The following GRIN2A variants were observed in gnomAD, a reference collection of about 807,000 sequenced individuals.
GRIN2A encodes the protein glutamate receptor ionotropic, NMDA 2A.
Under a neutral mutation model 113.4 loss-of-function variants are expected in GRIN2A, and 22 were observed. The observed-to-expected ratio is 0.19, with a 90% confidence interval of 0.14 to 0.28. The LOEUF is 0.28. GRIN2A is among the 10% of genes least tolerant of loss of function. The pLI is 1.00. For missense variants in GRIN2A, 1,502 were observed against 1,887.0 expected, an observed-to-expected ratio of 0.80 and a Z score of 3.78; for synonymous variants, 827 against 738.4, an observed-to-expected ratio of 1.12 and a Z score of -1.94.
At chr16:10,010,687 T>A (rs2046488835) in intron 2 of GRIN2A, among the ~76,000 whole-genome samples, 1 of 152,176 alleles carries the variant, frequency 6.6e-6, no homozygotes, top group South Asian at 2.1e-4. Flanking sequence ...TGACTAGGAC[T>A]CAGCTCAGAG....
intron 2 of GRIN2A, among the ~76,000 whole-genome samples, chr16:10,008,358 A>G (rs2141860457): frequency 6.6e-6 from 1 of 152,370 alleles, no homozygotes; most frequent in South Asian, 2.1e-4. Context: ...AGATTAGCAT[A>G]CAAAGAATGG....
intron 2 of GRIN2A, among the ~76,000 whole-genome samples, chr16:10,138,742 G>T (rs2049257309): frequency 6.6e-6 from 1 of 152,112 alleles, no homozygotes; most frequent in Non-Finnish European, 1.5e-5. Context: ...TTACTGTGAG[G>T]ATTAAATGAG....
intron 11 of GRIN2A, among the ~76,000 whole-genome samples, chr16:9,774,499 A>G (rs777892616): frequency 3.9e-5 from 6 of 152,172 alleles, no homozygotes; most frequent in Non-Finnish European, 5.9e-5. Context: ...ACTTTAATCT[A>G]TCCAACTACT....
chr16:10,180,996 C>T lies in GRIN2A; in HGVS notation c.-18-567G>A, dbSNP rs1030388039. On this transcript the variant is annotated intron_variant, in intron 1 of 12. Transcript: ENST00000330684. The surrounding 1 kb of genome is among the most constrained non-coding windows in gnomAD (Gnocchi z 7.0). ...CCGCCCCCTACGAGCCCGTCGTGTG[C>T]ACCACACACTTTGCTCTACGCCCAG... Among the ~76,000 whole-genome samples the T allele has an allele frequency of 2.6e-5, 4 of 152,172 alleles. No individual in the cohort carries two copies. Among genetic ancestry groups the T allele is most frequent in the Admixed American group, 2.6e-4 (4 of 15,288 alleles).
intron 2 of GRIN2A, among the ~76,000 whole-genome samples, chr16:10,048,967 TG>T (rs2047308090): frequency 6.6e-6 from 1 of 152,212 alleles, no homozygotes; most frequent in African/African-American, 2.4e-5. Flanking sequence ...CCCCAGCCCC[TG>T]CCCATTCATG....
At chr16:10,095,544 C>T (rs1280266990) in intron 2 of GRIN2A, among the ~76,000 whole-genome samples, 2 of 152,112 alleles carry the variant, frequency 1.3e-5, no homozygotes, top group African/African-American at 4.8e-5. Flanking sequence ...TCAATGGATG[C>T]TAAAGCTGGT....
At chr16:9,786,299 C>T (rs1902225515) in intron 11 of GRIN2A, among the ~76,000 whole-genome samples, 1 of 152,180 alleles carries the variant, frequency 6.6e-6, no homozygotes, top group African/African-American at 2.4e-5. Context: ...GTCCTTGTTT[C>T]ATTCCTTCTC....
chr16:9,788,757 T>TC, intron 11 of GRIN2A, among the ~76,000 whole-genome samples: 1 of 151,084 alleles, frequency 6.6e-6, no homozygotes, highest in African/African-American at 2.4e-5. Flanking sequence ...TTTTTTTTTT[T>TC]TCTGAGACAG....
chr16:9,914,526 G>A (rs940797582), intron 3 of GRIN2A, among the ~76,000 whole-genome samples: 1 of 152,192 alleles, frequency 6.6e-6, no homozygotes, highest in South Asian at 2.1e-4. Context: ...TCTTCTCACC[G>A]TGTTAAACCA....
chr16:9,976,044 T>C (rs1167790985), intron 2 of GRIN2A, among the ~76,000 whole-genome samples: 1 of 152,154 alleles, frequency 6.6e-6, no homozygotes, highest in Non-Finnish European at 1.5e-5. Flanking sequence ...AACTCCACAA[T>C]CACAGTTTCT....
At chr16:10,040,940 G>A (rs1282300027) in intron 2 of GRIN2A, among the ~76,000 whole-genome samples, 1 of 152,248 alleles carries the variant, frequency 6.6e-6, no homozygotes, top group African/African-American at 2.4e-5. Flanking sequence ...GGCTGGAAGA[G>A]GTGGCTTTCT....
At chr16:9,881,884 T>G (rs926166219) in intron 4 of GRIN2A, among the ~76,000 whole-genome samples, 1 of 152,372 alleles carries the variant, frequency 6.6e-6, no homozygotes, top group East Asian at 1.9e-4. Context: ...GTTCTATCAA[T>G]TGTCATTTAC....
At chr16:10,019,820 A>G (rs111966819) in intron 2 of GRIN2A, among the ~76,000 whole-genome samples, 99 of 152,342 alleles carry the variant, frequency 6.5e-4, no homozygotes, top group African/African-American at 2.0e-3. Context: ...AAAGGGTACC[A>G]ACTCTCCATT....
chr16:9,902,483 A>G (rs964888627), intron 3 of GRIN2A, among the ~76,000 whole-genome samples: 33 of 152,238 alleles, frequency 2.2e-4, no homozygotes, highest in African/African-American at 7.0e-4. Context: ...ACCTTTGCAC[A>G]AGAAAGAATT....
At chr16:9,841,689 C>T (rs1231909623) in intron 5 of GRIN2A, among the ~76,000 whole-genome samples, 1 of 152,146 alleles carries the variant, frequency 6.6e-6, no homozygotes, top group East Asian at 1.9e-4. Flanking sequence ...ATTTTGTGCA[C>T]TGAACTTCTC....
chr16:10,089,190 C>T (rs900273206), intron 2 of GRIN2A, among the ~76,000 whole-genome samples: 3 of 152,138 alleles, frequency 2.0e-5, no homozygotes, highest in East Asian at 1.9e-4. Flanking sequence ...AGGGACAAAA[C>T]GGTGAGTGAA....
intron 3 of GRIN2A, among the ~76,000 whole-genome samples, chr16:9,925,721 T>C (rs1596598436): frequency 6.6e-6 from 1 of 152,354 alleles, no homozygotes; most frequent in East Asian, 1.9e-4. Flanking sequence ...TTTTGTCCAT[T>C]TTGGTTGTTT....
Position 9,755,068 on chromosome 16 carries a change from A to T in GRIN2A, c.*8081T>A. On this transcript the variant is annotated 3_prime_UTR_variant, in exon 13 of 13. Transcript: ENST00000330684. ...AGAGAATTAACTGGAAGAGGTCATG[A>T]CCCAGGGCTAATGAAGAATGTTCTA... 5.0e-6 allele frequency: 1 copy of T among 199,380 alleles called. No individual in the cohort carries two copies. The highest frequency in any genetic ancestry group is 1.0e-5 in the Non-Finnish European group (1 of 96,542). The allele number at this position is 199,380 out of a possible 1,614,324, so 12.4% of individuals were successfully genotyped here.
At chr16:9,909,551 G>A (rs1405746062) in intron 3 of GRIN2A, among the ~76,000 whole-genome samples, 1 of 152,176 alleles carries the variant, frequency 6.6e-6, no homozygotes, top group African/African-American at 2.4e-5. Flanking sequence ...CATTTAAATA[G>A]CCACATATGG....
Sources: gnomAD v4.1 joint callset for allele counts (sites outside exome capture counted in the v4.1 genomes callset) on GRCh38, gnomAD v4.1.1 for gene constraint, Gnocchi (gnomAD v3.1) non-coding constraint, MANE v1.5 for transcripts, NCBI Gene and HGNC (gene_info 2026-07-23, HGNC 2026-07-21) for gene names.